Variants in UHRF1 observed in about 807,000 individuals in gnomAD.
UHRF1 encodes the protein E3 ubiquitin-protein ligase UHRF1.
A neutral mutation model predicts 96.5 loss-of-function variants in UHRF1; 9 were observed. The observed-to-expected ratio is 0.09, with a 90% confidence interval of 0.06 to 0.16. UHRF1 has a LOEUF of 0.16. Among genes scored for constraint, UHRF1 ranks in the 10% least tolerant of loss-of-function variants. The pLI is 1.00. For missense variants in UHRF1, 626 were observed against 1,131.1 expected, an observed-to-expected ratio of 0.55 and a Z score of 6.40; for synonymous variants, 455 against 469.9, an observed-to-expected ratio of 0.97 and a Z score of 0.41.
intron 5 of UHRF1, 53 bp from the exon 6 acceptor site, chr19:4,941,475 A>G: frequency 7.0e-7 from 1 of 1,436,932 alleles, no homozygotes; most frequent in Admixed American, 1.9e-5. Context: ...TGCTGTGAGT[A>G]GATTTAGGGG....
chr19:4,922,872 A>T (rs2032746052), intron 2 of UHRF1, among the ~76,000 whole-genome samples: 1 of 152,158 alleles, frequency 6.6e-6, no homozygotes, highest in South Asian at 2.1e-4. Flanking sequence ...CCTCCTACGT[A>T]GCCCACGCTA....
intron 1 of UHRF1, among the ~76,000 whole-genome samples, chr19:4,904,327 C>G (rs952126308): frequency 6.6e-6 from 1 of 152,034 alleles, no homozygotes; most frequent in Non-Finnish European, 1.5e-5. Context: ...TACAGGCGTC[C>G]GCCACAAATG....
upstream of UHRF1, among the ~76,000 whole-genome samples, chr19:4,908,291 G>A (rs563161940): frequency 4.6e-5 from 7 of 152,254 alleles, no homozygotes; most frequent in African/African-American, 1.7e-4. Flanking sequence ...TCCTATATTA[G>A]GGACATAGCA....
chr19:4,948,594 G>A (rs1002005449), intron 11 of UHRF1, among the ~76,000 whole-genome samples: 2 of 151,222 alleles, frequency 1.3e-5, no homozygotes, highest in African/African-American at 4.9e-5. Flanking sequence ...CTGAGGTCAG[G>A]AGTTCAAGAC....
intron 13 of UHRF1, among the ~76,000 whole-genome samples, chr19:4,952,857 T>G (rs2033755425): frequency 6.6e-6 from 1 of 152,104 alleles, no homozygotes. Context: ...TCACCAGAGT[T>G]TGGCCAGCTA....
chr19:4,909,871 G>T (rs993957601), intron 1 of UHRF1: 3 of 379,132 alleles, frequency 7.9e-6, no homozygotes, highest in African/African-American at 2.1e-5. Flanking sequence ...GGAGCCCGGC[G>T]GGGGGTCGAG....
In UHRF1 at chr19:4,941,525, C is replaced by T. The variant is rs766949221; in HGVS notation, c.786-3C>T. ...AATGTTCCAGCGTCCTCGTTCCTTG[C>T]AGGGATGATTCTCTGAACGACTGTC... On this transcript the variant is annotated splice_polypyrimidine_tract_variant and splice_region_variant and intron_variant, in intron 5 of 16. Coordinates refer to ENST00000650932, the MANE Select transcript of UHRF1 (RefSeq NM_001048201.3). The T allele has an allele frequency of 1.9e-5, 31 of 1,611,772 alleles. No homozygotes were observed. The Admixed American group carries it at 4.7e-4, about 24-fold the overall frequency.
chr19:4,947,317 G>A (rs2033593151), intron 11 of UHRF1, 106 bp downstream of exon 11: 1 of 1,038,786 alleles, frequency 9.6e-7, no homozygotes. Context: ...TAGGAGCGTG[G>A]TAGAACATAG....
intron 5 of UHRF1, among the ~76,000 whole-genome samples, chr19:4,939,641 A>G (rs1225516021): frequency 1.3e-5 from 2 of 152,138 alleles, no homozygotes; most frequent in Admixed American, 6.5e-5. Flanking sequence ...CTGGTAGGTC[A>G]GTGTGTTCCC....
intron 11 of UHRF1, among the ~76,000 whole-genome samples, chr19:4,947,840 G>A (rs1013187044): frequency 1.5e-4 from 23 of 152,050 alleles, no homozygotes; most frequent in Non-Finnish European, 2.2e-4. Context: ...GCTCACGCCT[G>A]TAATTCTCGC....
intron 16 of UHRF1, among the ~76,000 whole-genome samples, chr19:4,959,493 G>A (rs773165356): frequency 3.9e-5 from 6 of 152,086 alleles, no homozygotes; most frequent in African/African-American, 4.8e-5. Flanking sequence ...TGTGTACGGC[G>A]TGTCACTCCT....
chr19:4,956,090 C>T (rs1295104486), intron 15 of UHRF1, among the ~76,000 whole-genome samples: 12 of 151,976 alleles, frequency 7.9e-5, no homozygotes, highest in Admixed American at 7.9e-4. Flanking sequence ...ACCCACCACG[C>T]CTGGCTAATC....
chr19:4,937,293 C>CTTTTT (rs11411657), intron 5 of UHRF1, among the ~76,000 whole-genome samples: 162 of 125,404 alleles, frequency 1.3e-3, no homozygotes, highest in African/African-American at 4.5e-3. Flanking sequence ...AGATGGGCCA[C>CTTTTT]TTTTTTTTTT....
intron 1 of UHRF1, among the ~76,000 whole-genome samples, chr19:4,904,387 G>C (rs913605197): frequency 6.6e-6 from 1 of 152,104 alleles, no homozygotes; most frequent in Non-Finnish European, 1.5e-5. Flanking sequence ...CATCATGTTA[G>C]CCAGGATGGT....
At chr19:4,935,713 G>A (rs943876561) in intron 5 of UHRF1, among the ~76,000 whole-genome samples, 2 of 152,058 alleles carry the variant, frequency 1.3e-5, no homozygotes, top group African/African-American at 4.8e-5. Flanking sequence ...ATGTGTCATC[G>A]TCCCAGGAGT....
At chr19:4,938,734 T>TTTTTTTG (rs2033292633) in intron 5 of UHRF1, among the ~76,000 whole-genome samples, 2 of 80,788 alleles carry the variant, frequency 2.5e-5, no homozygotes, top group African/African-American at 1.6e-4. Context: ...GGTCAGGTTT[T>TTTTTTTG]TTTTTTTTTT....
chr19:4,956,290 A>C (rs564922494), intron 15 of UHRF1, among the ~76,000 whole-genome samples: 8 of 152,122 alleles, frequency 5.3e-5, no homozygotes, highest in Admixed American at 1.3e-4. Flanking sequence ...GGTCTTGAAC[A>C]CCTGGCTCAA....
At chr19:4,910,069 G>A (rs17883303) in intron 1 of UHRF1, 1 of 156,772 alleles carries the variant, frequency 6.4e-6, no homozygotes. Flanking sequence ...GAGCCAATAA[G>A]AGGCGGCTCA....
intron 2 of UHRF1, among the ~76,000 whole-genome samples, chr19:4,917,443 C>A (rs2032558806): frequency 6.6e-6 from 1 of 151,572 alleles, no homozygotes; most frequent in Non-Finnish European, 1.5e-5. Context: ...ATCACGAGGT[C>A]AAGAGATCGA....
Sources: allele counts gnomAD v4.1 joint callset (sites outside exome capture counted in the v4.1 genomes callset), GRCh38; gene constraint gnomAD v4.1.1; transcripts MANE v1.5; gene names NCBI Gene and HGNC (gene_info 2026-07-23, HGNC 2026-07-21).